The following PRELID2 variants were observed in gnomAD, a reference collection of about 807,000 sequenced individuals.
PRELID2 encodes the protein PRELI domain containing 2.
In PRELID2, 25 loss-of-function variants were observed where a neutral mutation model predicts 28.4. The ratio of observed to expected loss-of-function variants is 0.88; its 90% confidence interval spans 0.64 to 1.23. PRELID2 has a LOEUF of 1.23. Among genes scored for constraint, PRELID2 ranks in the 50% most tolerant of loss-of-function variants. PRELID2 has a pLI of 0.00. For synonymous variants in PRELID2, 76 were observed against 71.6 expected (o/e 1.06, Z -0.31); for missense variants, 201 against 214.4 (o/e 0.94, Z 0.39).
rs78038197 is a variant in PRELID2, at chr5:145,606,658, T to C, written n.71-133343A>G. The stretch of plus-strand genomic sequence containing the variant: ...TTAAGTTTTTGATGTGCTGCTGGAT[T>C]CAACTTGCTAGTATTTTGGTAAGAA... On this transcript the variant is annotated intron_variant and non_coding_transcript_variant, in intron 1 of 2. Transcript: ENST00000510259. 7.9e-4 allele frequency among the ~76,000 whole-genome samples: 121 copies of C among 152,326 alleles called. No homozygotes were observed. In the East Asian group the frequency reaches 0.022, roughly 27 times the overall value.
At chr5:145,717,605 A>G (rs1755877613) in intron 1 of PRELID2, among the ~76,000 whole-genome samples, 2 of 151,698 alleles carry the variant, frequency 1.3e-5, no homozygotes, top group South Asian at 4.1e-4. Context: ...GCCTAGTTCT[A>G]TTTCATTTGA....
the PRELID2 span, among the ~76,000 whole-genome samples, chr5:145,240,468 A>C: frequency 6.6e-6 from 1 of 152,038 alleles, no homozygotes; most frequent in African/African-American, 2.4e-5. Context: ...AATAGTAAAT[A>C]AACATACTTT....
chr5:145,453,139 A>C, the PRELID2 span, among the ~76,000 whole-genome samples: 2 of 152,170 alleles, frequency 1.3e-5, no homozygotes, highest in Non-Finnish European at 2.9e-5. Flanking sequence ...TGACTTATTT[A>C]CTTCCCAAGC....
chr5:145,603,983 A>C (rs549827641), intron 1 of PRELID2, among the ~76,000 whole-genome samples: 12 of 152,248 alleles, frequency 7.9e-5, no homozygotes, highest in African/African-American at 2.6e-4. Context: ...AGCAGGTGAA[A>C]GGAAATTAAA....
At chr5:145,407,757 C>T in the PRELID2 span, among the ~76,000 whole-genome samples, 1 of 152,182 alleles carries the variant, frequency 6.6e-6, no homozygotes, top group Non-Finnish European at 1.5e-5. Flanking sequence ...GAGAAAACAA[C>T]AGCTAATTCC....
Position 145,642,868 on chromosome 5 carries a change from G to A in PRELID2, n.70+122063C>T, listed in dbSNP as rs115082296. Among the ~76,000 whole-genome samples the A allele has an allele frequency of 6.5e-3, 982 of 152,200 alleles. 9 individuals are homozygous for A. The highest frequency in any genetic ancestry group is 0.023 in the African/African-American group (942 of 41,516). On this transcript the variant is annotated intron_variant and non_coding_transcript_variant, in intron 1 of 2. Transcript: ENST00000510259. ...TCTGACACCTCTGTTCTGCTCCATC[G>A]GTCAATATATCTGTTTTGGTACCAG...
the PRELID2 span, among the ~76,000 whole-genome samples, chr5:145,405,832 A>G: frequency 6.6e-6 from 1 of 150,570 alleles, no homozygotes; most frequent in Non-Finnish European, 1.5e-5. Context: ...CAGCCTCCTG[A>G]GTAGCTGGGA....
At chr5:145,435,328 A>G in the PRELID2 span, among the ~76,000 whole-genome samples, 2 of 152,176 alleles carry the variant, frequency 1.3e-5, no homozygotes, top group African/African-American at 2.4e-5. Context: ...AAGGAAAAAG[A>G]GATGATCTAG....
chr5:145,278,574 G>GGA, the PRELID2 span, among the ~76,000 whole-genome samples: 5 of 152,112 alleles, frequency 3.3e-5, no homozygotes, highest in African/African-American at 1.2e-4. Context: ...AGCCAGCATG[G>GGA]GAGAGAGAGA....
At chr5:145,310,500 T>G in the PRELID2 span, among the ~76,000 whole-genome samples, 1 of 152,178 alleles carries the variant, frequency 6.6e-6, no homozygotes, top group Non-Finnish European at 1.5e-5. Context: ...GTCAAAATGG[T>G]CATGATTTAT....
chr5:145,280,129 A>G, the PRELID2 span, among the ~76,000 whole-genome samples: 1 of 152,138 alleles, frequency 6.6e-6, no homozygotes, highest in African/African-American at 2.4e-5. Context: ...TTTTGGTGAC[A>G]GATAGGGTTC....
At chr5:145,470,371 T>C (rs1476824550), downstream of PRELID2, among the ~76,000 whole-genome samples, 2 of 152,086 alleles carry the variant, frequency 1.3e-5, no homozygotes, top group Non-Finnish European at 2.9e-5. Flanking sequence ...AACATCTACA[T>C]TGCACCCATC....
chr5:145,340,948 CTAAT>C, the PRELID2 span, among the ~76,000 whole-genome samples: 1 of 151,694 alleles, frequency 6.6e-6, no homozygotes, highest in Admixed American at 6.6e-5. Context: ...ACAGCCTCCC[CTAAT>C]AACTGCACCC....
At chr5:145,540,563 T>C (rs1278337333) in intron 1 of PRELID2, among the ~76,000 whole-genome samples, 5 of 151,394 alleles carry the variant, frequency 3.3e-5, no homozygotes, top group African/African-American at 1.2e-4. Flanking sequence ...ACTCTAGATA[T>C]AACTACCAAG....
chr5:145,411,212 G>A, the PRELID2 span, among the ~76,000 whole-genome samples: 1 of 152,186 alleles, frequency 6.6e-6, no homozygotes, highest in Admixed American at 6.5e-5. Context: ...GGAGGAGCAA[G>A]TCACATCTTA....
At chr5:145,305,008 T>A in the PRELID2 span, among the ~76,000 whole-genome samples, 2 of 152,202 alleles carry the variant, frequency 1.3e-5, no homozygotes, top group African/African-American at 4.8e-5. Context: ...TAGAATTTTT[T>A]AAATTTATAT....
chr5:145,336,024 T>C, the PRELID2 span, among the ~76,000 whole-genome samples: 1 of 152,244 alleles, frequency 6.6e-6, no homozygotes. Context: ...TGATGGCCAG[T>C]GATGGTGAGC....
At chr5:145,554,112 A>G (rs1421466044) in intron 1 of PRELID2, among the ~76,000 whole-genome samples, 3 of 152,210 alleles carry the variant, frequency 2.0e-5, no homozygotes, top group Non-Finnish European at 4.4e-5. Flanking sequence ...CTGTTGGAAA[A>G]ATGAGTTCAA....
At chr5:145,386,291 C>A in the PRELID2 span, among the ~76,000 whole-genome samples, 2 of 152,024 alleles carry the variant, frequency 1.3e-5, no homozygotes, top group Non-Finnish European at 2.9e-5. Context: ...CCCCATGATT[C>A]AATTACCTTC....
Sources: gnomAD v4.1 joint callset for allele counts (sites outside exome capture counted in the v4.1 genomes callset) on GRCh38, gnomAD v4.1.1 for gene constraint, MANE v1.5 for transcripts, NCBI Gene and HGNC (gene_info 2026-07-23, HGNC 2026-07-21) for gene names.